The following PMM2 variants were observed in gnomAD, a reference collection of about 807,000 sequenced individuals.
PMM2 encodes mannose-6-phosphate isomerase.
Under a neutral mutation model 33.2 loss-of-function variants are expected in PMM2, and 35 were observed. That is an observed-to-expected ratio of 1.06 (90% CI 0.81 to 1.40). The LOEUF is 1.40. Ranked by LOEUF, PMM2 falls within the 40% of genes most tolerant of loss-of-function variation. The probability of loss-of-function intolerance (pLI) is 0.00; values close to 1 mark genes in which losing one functional copy is unlikely to be tolerated. For missense variants in PMM2, 386 were observed against 306.0 expected, an observed-to-expected ratio of 1.26 and a Z score of -1.95; for synonymous variants, 153 against 114.7, an observed-to-expected ratio of 1.33 and a Z score of -2.13.
chr16:8,825,379 G>A (rs1477660238), intron 7 of PMM2, among the ~76,000 whole-genome samples: 1 of 151,868 alleles, frequency 6.6e-6, no homozygotes, highest in Non-Finnish European at 1.5e-5. Flanking sequence ...AGGCTGGAGT[G>A]CAGTGGCATG....
At chr16:8,818,867 TGCAGAGAGAGAGAGACGGCAAGG>T (rs1830871458) in intron 7 of PMM2, among the ~76,000 whole-genome samples, 1 of 149,554 alleles carries the variant, frequency 6.7e-6, no homozygotes, top group South Asian at 2.1e-4. Context: ...CTTGGTTTGT[TGCAGAGAGAGAGAGACGGCAAGG>T]GCAGAGAGCA....
intron 7 of PMM2, among the ~76,000 whole-genome samples, chr16:8,840,710 T>C (rs1227992426): frequency 6.6e-6 from 1 of 151,316 alleles, no homozygotes; most frequent in East Asian, 1.9e-4. Context: ...CACAGCTTTA[T>C]TCTGGAACGG....
chr16:8,821,408 T>C (rs78546185), intron 7 of PMM2, among the ~76,000 whole-genome samples: 3,293 of 152,290 alleles, frequency 0.022, 45 homozygotes, highest in Non-Finnish European at 0.028. Context: ...CCCTGGGTGT[T>C]GGTCCCAGGA....
At chr16:8,819,386 T>TA (rs1326569583) in intron 7 of PMM2, among the ~76,000 whole-genome samples, 1 of 152,230 alleles carries the variant, frequency 6.6e-6, no homozygotes, top group Non-Finnish European at 1.5e-5. Context: ...TGTTAGCTTA[T>TA]AAATGCATAA....
chr16:8,806,015 G>T (rs2060645882), intron 3 of PMM2, among the ~76,000 whole-genome samples: 1 of 152,186 alleles, frequency 6.6e-6, no homozygotes, highest in African/African-American at 2.4e-5. Flanking sequence ...TATTTTAATT[G>T]AATAAAAGTG....
chr16:8,843,017 C>T (rs1188703426), intron 7 of PMM2, among the ~76,000 whole-genome samples: 3 of 151,926 alleles, frequency 2.0e-5, no homozygotes, highest in Admixed American at 2.0e-4. Context: ...CGGCTGTAGT[C>T]CAGGAATAGT....
intron 7 of PMM2, among the ~76,000 whole-genome samples, chr16:8,833,891 T>C (rs1189598708): frequency 1.3e-5 from 2 of 152,012 alleles, no homozygotes. Flanking sequence ...AGAGTGGCAG[T>C]TTGGGGATAG....
At chr16:8,827,803 TTTATA>T (rs1167062877) in intron 7 of PMM2, among the ~76,000 whole-genome samples, 2 of 56,058 alleles carry the variant, frequency 3.6e-5, no homozygotes, top group Non-Finnish European at 6.5e-5. Flanking sequence ...TTTATACATA[TTTATA>T]TATTTATATA....
intron 7 of PMM2, among the ~76,000 whole-genome samples, chr16:8,829,031 G>A (rs2060794287): frequency 6.6e-6 from 1 of 152,108 alleles, no homozygotes; most frequent in African/African-American, 2.4e-5. Flanking sequence ...AGGCTGGAGT[G>A]CAGTGGTGCG....
intron 7 of PMM2, among the ~76,000 whole-genome samples, chr16:8,844,701 G>C (rs1020133782): frequency 6.6e-6 from 1 of 152,234 alleles, no homozygotes; most frequent in South Asian, 2.1e-4. Context: ...TGCCTTCCCA[G>C]TCCGTGACCG....
intron 7 of PMM2, among the ~76,000 whole-genome samples, chr16:8,846,388 C>T (rs552988108): frequency 1.3e-5 from 2 of 151,920 alleles, no homozygotes; most frequent in South Asian, 2.1e-4. Context: ...GTAAAGCAAT[C>T]GTAGATTATT....
chr16:8,820,730 T>C (rs1188299246), intron 7 of PMM2, among the ~76,000 whole-genome samples: 2 of 152,208 alleles, frequency 1.3e-5, no homozygotes, highest in Non-Finnish European at 2.9e-5. Context: ...AGGGCCTGAC[T>C]CAGGAAAGGC....
At chr16:8,835,826 T>C (rs1056686817) in intron 7 of PMM2, among the ~76,000 whole-genome samples, 12 of 151,942 alleles carry the variant, frequency 7.9e-5, no homozygotes, top group East Asian at 3.9e-4. Context: ...GGTGCATGAT[T>C]GGTTGCCAAG....
Position 8,806,368 on chromosome 16 carries a change from G to A in PMM2, c.308G>A (p.Cys103Tyr), listed in dbSNP as rs1262913091. 8 of 1,613,416 alleles carry A rather than the reference G, an allele frequency of 5.0e-6. No homozygotes were observed. The highest frequency in any genetic ancestry group is 1.3e-5 in the African/African-American group (1 of 74,900). Residue 103 changes from cysteine to tyrosine, a missense_variant, in exon 4 of 8, where the codon TGT becomes TAT. Cys to Tyr is a radical substitution (Grantham distance 194, BLOSUM62 -2). Transcript: ENST00000268261. ...EALIQDLINY[C>Y]LSYIAKIKLP... The stretch of plus-strand genomic sequence containing the variant: ...CTAATCCAAGATTTAATCAACTACT[G>A]TCTGAGCTACATTGCGAAAATTAAA...
At chr16:8,836,112 A>G (rs541878546) in intron 7 of PMM2, among the ~76,000 whole-genome samples, 55 of 151,792 alleles carry the variant, frequency 3.6e-4, no homozygotes, top group African/African-American at 9.9e-4. Context: ...AATACCCACA[A>G]CAGTTACGGA....
intron 7 of PMM2, among the ~76,000 whole-genome samples, chr16:8,840,963 T>C (rs1311856679): frequency 6.6e-6 from 1 of 151,984 alleles, no homozygotes; most frequent in Non-Finnish European, 1.5e-5. Context: ...GGCTGGTGTC[T>C]GGGATGAGGT....
intron 7 of PMM2, among the ~76,000 whole-genome samples, chr16:8,825,117 A>G (rs567119424): frequency 3.3e-4 from 50 of 151,608 alleles, no homozygotes; most frequent in African/African-American, 1.1e-3. Flanking sequence ...TGCAAGCTCT[A>G]TCTCCTGGGT....
intron 3 of PMM2, 86 bp from the exon 4 acceptor site, chr16:8,806,230 C>A: frequency 1.2e-6 from 1 of 831,940 alleles, no homozygotes; most frequent in Non-Finnish European, 2.1e-6. Flanking sequence ...TTTCAGCAAT[C>A]GTGGCTGAAG....
chr16:8,846,292 G>T (rs1479201871), intron 7 of PMM2, among the ~76,000 whole-genome samples: 1 of 152,112 alleles, frequency 6.6e-6, no homozygotes, highest in Non-Finnish European at 1.5e-5. Context: ...CAGATTTTTG[G>T]TACAAAATCA....
Sources: allele counts gnomAD v4.1 joint callset (sites outside exome capture counted in the v4.1 genomes callset), GRCh38; gene constraint gnomAD v4.1.1; transcripts MANE v1.5; gene names NCBI Gene and HGNC (gene_info 2026-07-23, HGNC 2026-07-21).